Variants in CADPS2 observed in about 807,000 individuals in gnomAD.
CADPS2 encodes the protein calcium-dependent secretion activator 2.
Under a neutral mutation model 172.5 loss-of-function variants are expected in CADPS2, and 93 were observed. That is an observed-to-expected ratio of 0.54 (90% CI 0.46 to 0.64). The LOEUF (loss-of-function observed/expected upper bound fraction) is 0.64, where lower values mean the gene tolerates loss of function less well. Ranked by LOEUF, CADPS2 falls within the 30% of genes least tolerant of loss-of-function variation. The pLI is 0.00. For missense variants in CADPS2, 1,420 were observed against 1,565.9 expected (o/e 0.91, Z 1.57); for synonymous variants, 546 against 555.2 (o/e 0.98, Z 0.23).
chr7:122,429,002 G>T (rs1200891994), intron 17 of CADPS2, among the ~76,000 whole-genome samples: 1 of 151,990 alleles, frequency 6.6e-6, no homozygotes. Context: ...GAAAACAAAT[G>T]AATAAAGTAA....
chr7:122,585,586 A>G (rs941230208), intron 6 of CADPS2: 1 of 151,896 alleles, frequency 6.6e-6, no homozygotes, highest in African/African-American at 2.4e-5. Flanking sequence ...AATTAATACC[A>G]GTTATTGTCT....
intron 1 of CADPS2, among the ~76,000 whole-genome samples, chr7:122,738,847 G>GC (rs940394854): frequency 6.2e-5 from 5 of 80,286 alleles, no homozygotes; most frequent in African/African-American, 2.0e-4. Context: ...ATTGTACCCA[G>GC]GGGGGGAAAA....
chr7:122,751,954 A>G (rs926330767), intron 1 of CADPS2, among the ~76,000 whole-genome samples: 1 of 152,168 alleles, frequency 6.6e-6, no homozygotes, highest in African/African-American at 2.4e-5. Flanking sequence ...TAGAAGCATT[A>G]TCCTGAAGAA....
intron 12 of CADPS2, among the ~76,000 whole-genome samples, chr7:122,480,587 T>C (rs1294923647): frequency 6.6e-6 from 1 of 152,190 alleles, no homozygotes; most frequent in Non-Finnish European, 1.5e-5. Context: ...TTAACATATA[T>C]TGACCATTTG....
intron 28 of CADPS2, among the ~76,000 whole-genome samples, chr7:122,339,413 G>T (rs11762444): frequency 1.6e-4 from 25 of 152,068 alleles, no homozygotes; most frequent in African/African-American, 5.8e-4. Context: ...ACTGTGTATC[G>T]TGAAAGTTCT....
intron 9 of CADPS2, among the ~76,000 whole-genome samples, chr7:122,505,317 A>AT (rs1279874676): frequency 6.6e-6 from 1 of 152,204 alleles, no homozygotes; most frequent in Non-Finnish European, 1.5e-5. Context: ...GTTTTATGCT[A>AT]TAAGTATTGT....
At chr7:122,559,386 C>T (rs540999502) in intron 7 of CADPS2, among the ~76,000 whole-genome samples, 21 of 152,236 alleles carry the variant, frequency 1.4e-4, no homozygotes, top group African/African-American at 4.6e-4. Flanking sequence ...AGCCTCAGTC[C>T]GTTTCCACCG....
chr7:122,831,266 A>G (rs1806458294), intron 1 of CADPS2, among the ~76,000 whole-genome samples: 1 of 152,224 alleles, frequency 6.6e-6, no homozygotes, highest in Non-Finnish European at 1.5e-5. Flanking sequence ...AACTAGTCCT[A>G]TAATACACCA....
intron 1 of CADPS2, among the ~76,000 whole-genome samples, chr7:122,866,334 T>C (rs969578733): frequency 6.6e-6 from 1 of 152,162 alleles, no homozygotes; most frequent in Non-Finnish European, 1.5e-5. Flanking sequence ...TCTTTCTTCT[T>C]CTACTCTTGC....
chr7:122,754,199 A>G (rs957171680), intron 1 of CADPS2, among the ~76,000 whole-genome samples: 1 of 152,168 alleles, frequency 6.6e-6, no homozygotes, highest in Non-Finnish European at 1.5e-5. Context: ...TGTCCCTATT[A>G]ACAAAGTAGT....
intron 1 of CADPS2, among the ~76,000 whole-genome samples, chr7:122,830,015 T>C (rs1345371131): frequency 7.9e-6 from 1 of 126,412 alleles, no homozygotes; most frequent in Non-Finnish European, 1.6e-5. Flanking sequence ...TACCACAATA[T>C]CATATTAAAA....
At chr7:122,438,161 G>A (rs2050886442) in intron 17 of CADPS2, among the ~76,000 whole-genome samples, 180 bp downstream of exon 17, 1 of 152,072 alleles carries the variant, frequency 6.6e-6, no homozygotes, top group Non-Finnish European at 1.5e-5. Context: ...GTCCCAGGAG[G>A]CATATTAAAG....
chr7:122,601,316 A>G (rs945482100), intron 6 of CADPS2, among the ~76,000 whole-genome samples: 6 of 152,102 alleles, frequency 3.9e-5, no homozygotes, highest in African/African-American at 1.4e-4. Flanking sequence ...GTTAAACATT[A>G]GAACACAGTG....
At chr7:122,539,751 GTCTC>G (rs934742763) in intron 8 of CADPS2, among the ~76,000 whole-genome samples, 2 of 138,200 alleles carry the variant, frequency 1.4e-5, no homozygotes, top group Non-Finnish European at 3.1e-5. Context: ...CTCTCTCTCT[GTCTC>G]TCTCTGTCTC....
chr7:122,760,957 T>C (rs1247501507), intron 1 of CADPS2, among the ~76,000 whole-genome samples: 1 of 152,014 alleles, frequency 6.6e-6, no homozygotes, highest in Non-Finnish European at 1.5e-5. Context: ...AAACTTAAAG[T>C]ATGATAATAA....
At chr7:122,494,248 G>A (rs1488947144) in intron 9 of CADPS2, among the ~76,000 whole-genome samples, 1 of 152,182 alleles carries the variant, frequency 6.6e-6, no homozygotes, top group Non-Finnish European at 1.5e-5. Flanking sequence ...TACTGATACA[G>A]TAGCAAAAGG....
chr7:122,645,406 T>C (rs1432815863), intron 3 of CADPS2, among the ~76,000 whole-genome samples: 3 of 28,032 alleles, frequency 1.1e-4, no homozygotes, highest in South Asian at 2.2e-3. Context: ...TATATGTACA[T>C]ATACACACAT....
chr7:122,671,355 T>G (rs544119559), intron 2 of CADPS2, among the ~76,000 whole-genome samples: 1 of 152,274 alleles, frequency 6.6e-6, no homozygotes, highest in East Asian at 1.9e-4. Flanking sequence ...CCCCCATCCA[T>G]GCACATGTAT....
intron 2 of CADPS2, among the ~76,000 whole-genome samples, chr7:122,685,217 A>G (rs1023462251): frequency 5.3e-5 from 8 of 152,196 alleles, no homozygotes; most frequent in Non-Finnish European, 1.0e-4. Flanking sequence ...CATCCAAACA[A>G]TATCAAACTC....
Sources: allele counts gnomAD v4.1 joint callset (sites outside exome capture counted in the v4.1 genomes callset), GRCh38; gene constraint gnomAD v4.1.1; transcripts MANE v1.5; gene names NCBI Gene and HGNC (gene_info 2026-07-23, HGNC 2026-07-21).